Variants in MORF4L1 observed in about 807,000 individuals in gnomAD.
MORF4L1 encodes mortality factor 4-like protein 1.
In MORF4L1, 4 loss-of-function variants were observed where a neutral mutation model predicts 52.9. The observed-to-expected ratio is 0.08, with a 90% CI of 0.04 to 0.17. MORF4L1 has a LOEUF of 0.17. Ranked by LOEUF, MORF4L1 falls within the 10% of genes least tolerant of loss-of-function variation. MORF4L1 has a pLI of 1.00. For missense variants in MORF4L1, 214 were observed against 390.4 expected, an observed-to-expected ratio of 0.55 and a Z score of 3.81; for synonymous variants, 123 against 134.8, an observed-to-expected ratio of 0.91 and a Z score of 0.61.
At chr15:78,885,022 G>A (rs1160473947) in intron 3 of MORF4L1, 1 of 1,614,030 alleles carries the variant, frequency 6.2e-7, no homozygotes, top group Non-Finnish European at 8.5e-7. Context: ...TGAGGATATT[G>A]TAGCCCTTTT....
Position 78,876,408 on chromosome 15 carries a change from T to C in MORF4L1, c.41-1805T>C, listed in dbSNP as rs1472247946. The C allele has an allele frequency of 1.3e-5, 5 of 372,602 alleles. No individual in the cohort carries two copies. The Admixed American group carries it at 1.7e-4, about 13-fold the overall frequency. The allele number at this position is 372,602 out of a possible 1,614,324, so 23.1% of individuals were successfully genotyped here. A position where few individuals can be genotyped will look rare whatever the true frequency, so the allele number is the denominator to read the frequency against. ...ACTTGGTTTTCCATTGGAAATTCTT[T>C]TTTGTTTTGTTTTGTTTAGATTTTG... On this transcript the variant is annotated intron_variant, in intron 1 of 11. Coordinates refer to ENST00000426013, the MANE Select transcript of MORF4L1 (RefSeq NM_006791.4).
intron 2 of MORF4L1, among the ~76,000 whole-genome samples, chr15:78,879,190 G>A (rs1395473084): frequency 2.0e-5 from 3 of 152,160 alleles, no homozygotes; most frequent in African/African-American, 7.2e-5. Context: ...GGGCAACCAA[G>A]CGAGACTCTC....
intron 5 of MORF4L1, 197 bp downstream of exon 5, chr15:78,887,546 C>G: frequency 2.2e-6 from 1 of 453,922 alleles, no homozygotes; most frequent in Admixed American, 4.1e-5. Flanking sequence ...TTCCCCCTCC[C>G]TTTAACTTGT....
At chr15:78,878,322 T>C in intron 2 of MORF4L1, 63 bp downstream of exon 2, 1 of 1,478,204 alleles carries the variant, frequency 6.8e-7, no homozygotes, top group Admixed American at 1.8e-5. Flanking sequence ...GGCCATTTAA[T>C]ATACAAGTAC....
intron 1 of MORF4L1, among the ~76,000 whole-genome samples, chr15:78,877,386 A>G (rs4624135): frequency 0.18 from 26,762 of 152,000 alleles, 3,103 homozygotes; most frequent in East Asian, 0.64. Context: ...TCCCTAAGTG[A>G]TGGGATTACA....
chr15:78,877,993 A>G, intron 1 of MORF4L1: 2 of 445,182 alleles, frequency 4.5e-6, no homozygotes, highest in Non-Finnish European at 7.9e-6. Context: ...AAGTAGATTG[A>G]CCTGCTAATG....
intron 8 of MORF4L1, 156 bp downstream of exon 8, chr15:78,892,469 C>T (rs754312515): frequency 6.1e-6 from 3 of 491,586 alleles, no homozygotes; most frequent in Admixed American, 3.6e-5. Flanking sequence ...AGAACTACTA[C>T]CAGAAAGAGT....
intron 2 of MORF4L1, among the ~76,000 whole-genome samples, chr15:78,879,748 G>C (rs1217564361): frequency 6.6e-6 from 1 of 150,964 alleles, no homozygotes; most frequent in African/African-American, 2.4e-5. Context: ...GATCAGTCTG[G>C]GCAAGATAGC....
chr15:78,890,168 C>T (rs1349873928), intron 5 of MORF4L1, among the ~76,000 whole-genome samples: 2 of 151,844 alleles, frequency 1.3e-5, no homozygotes, highest in Admixed American at 1.3e-4. Flanking sequence ...TGCAGTGAGC[C>T]GAGATCACCC....
At chr15:78,875,905 A>G in intron 1 of MORF4L1, among the ~76,000 whole-genome samples, 1 of 152,174 alleles carries the variant, frequency 6.6e-6, no homozygotes, top group Non-Finnish European at 1.5e-5. Flanking sequence ...AATGGTAGAG[A>G]AAAGAGTGGC....
chr15:78,878,770 A>G (rs1184080736), intron 2 of MORF4L1, among the ~76,000 whole-genome samples: 1 of 152,214 alleles, frequency 6.6e-6, no homozygotes, highest in Non-Finnish European at 1.5e-5. Context: ...CATTTAGCTG[A>G]AGGTAAGCAG....
intron 1 of MORF4L1, chr15:78,876,708 C>T (rs949165496): frequency 8.3e-6 from 3 of 360,588 alleles, no homozygotes; most frequent in South Asian, 4.1e-5. Context: ...GTTCTCGTTC[C>T]TGGGCCGTTG....
At chr15:78,884,340 T>G (rs996946506) in intron 3 of MORF4L1, among the ~76,000 whole-genome samples, 1 of 152,078 alleles carries the variant, frequency 6.6e-6, no homozygotes, top group African/African-American at 2.4e-5. Flanking sequence ...GGTGAAACTC[T>G]GTCTCTACTA....
intron 3 of MORF4L1, chr15:78,884,944 T>C (rs1296715586): frequency 6.4e-7 from 1 of 1,568,774 alleles, no homozygotes; most frequent in Non-Finnish European, 8.7e-7. Flanking sequence ...TGAGATTACT[T>C]TGTACTATGC....
At chr15:78,895,849 A>T (rs2056878042) in intron 11 of MORF4L1, among the ~76,000 whole-genome samples, 1 of 152,146 alleles carries the variant, frequency 6.6e-6, no homozygotes, top group South Asian at 2.1e-4. Context: ...TGCAACGTGG[A>T]CTTGAGAATG....
chr15:78,878,198 T>A lies in MORF4L1; in HGVS notation c.41-15T>A, dbSNP rs1268177469. The A allele has an allele frequency of 5.0e-6, 8 of 1,607,054 alleles. No individual in the cohort carries two copies. The Admixed American group carries it at 5.1e-5, about 10-fold the overall frequency. On this transcript the variant is annotated splice_polypyrimidine_tract_variant and intron_variant, in intron 1 of 11. Coordinates refer to ENST00000426013, the MANE Select transcript of MORF4L1 (RefSeq NM_006791.4). ...GAGAAGAAATTACAATTCAGTACTT[T>A]TTCTCCCTTTACAGGTGAGCGAGTG...
intron 1 of MORF4L1, among the ~76,000 whole-genome samples, chr15:78,876,285 AC>A (rs1309101902): frequency 4.6e-5 from 7 of 151,866 alleles, no homozygotes; most frequent in Non-Finnish European, 8.8e-5. Context: ...AAAAAAAACA[AC>A]TCGTAAACTT....
In MORF4L1 at chr15:78,886,137, T is replaced by C; in HGVS notation, c.156-4T>C. On this transcript the variant is annotated splice_polypyrimidine_tract_variant and splice_region_variant and intron_variant, in intron 3 of 11. Transcript: ENST00000426013. ...AGTTAAATTTTAACTTTCCTCTTTTTCAGTTGGGATGAATGGGTTCCGGAG... is the reference window on the plus strand; with the variant it reads ...AGTTAAATTTTAACTTTCCTCTTTTCCAGTTGGGATGAATGGGTTCCGGAG... The C allele has an allele frequency of 1.9e-6, 3 of 1,612,270 alleles. No homozygotes were observed. The highest frequency in any genetic ancestry group is 2.5e-6 in the Non-Finnish European group (3 of 1,178,320).
chr15:78,894,493 C>T (rs1366149581), intron 10 of MORF4L1: 1 of 368,268 alleles, frequency 2.7e-6, no homozygotes, highest in African/African-American at 2.1e-5. Context: ...ACTGCAACCT[C>T]CGCCTCCTGG....
Sources: gnomAD v4.1 joint callset for allele counts (sites outside exome capture counted in the v4.1 genomes callset) on GRCh38, gnomAD v4.1.1 for gene constraint, MANE v1.5 for transcripts, NCBI Gene and HGNC (gene_info 2026-07-23, HGNC 2026-07-21) for gene names.